Variants in FSHR observed in about 807,000 individuals in gnomAD.
FSHR encodes follicle stimulating hormone receptor.
In FSHR, 46 loss-of-function variants were observed where a neutral mutation model predicts 52.1. The observed-to-expected ratio is 0.88, with a 90% CI of 0.70 to 1.13. The LOEUF is 1.13. Among genes scored for constraint, FSHR ranks in the 50% most tolerant of loss-of-function variants. FSHR has a pLI of 0.00. For missense variants in FSHR, 964 were observed against 834.6 expected, an observed-to-expected ratio of 1.16 and a Z score of -1.91; for synonymous variants, 399 against 309.6, an observed-to-expected ratio of 1.29 and a Z score of -3.03.
chr2:49,082,889 G>A (rs539035863), intron 1 of FSHR, among the ~76,000 whole-genome samples: 200 of 151,906 alleles, frequency 1.3e-3, no homozygotes, highest in African/African-American at 4.5e-3. Context: ...TGAAAGTGAC[G>A]GGGAGAATGG....
chr2:49,143,576 G>C lies in FSHR; in HGVS notation c.152+10690C>G, dbSNP rs952548. 5.7e-3 allele frequency among the ~76,000 whole-genome samples: 865 copies of C among 152,168 alleles called. 13 individuals are homozygous for C. The highest frequency in any genetic ancestry group is 0.027 in the Middle Eastern group (8 of 294). ...TGGCATATTAAATAAACAACTATTT[G>C]TTTCCTCCTGAAACTCCACTGAGAA... On this transcript the variant is annotated intron_variant, in intron 1 of 9. Coordinates refer to ENST00000406846, the MANE Select transcript of FSHR (RefSeq NM_000145.4).
At chr2:49,103,193 G>T (rs375863550) in intron 1 of FSHR, among the ~76,000 whole-genome samples, 1 of 152,068 alleles carries the variant, frequency 6.6e-6, no homozygotes, top group East Asian at 1.9e-4. Flanking sequence ...AAACGTCCTA[G>T]GTTTGGACAT....
At position 49,008,597 on chromosome 2, in the gene FSHR, G is replaced by T. The variant is rs557715471; in HGVS notation, c.374+8892C>A. On this transcript the variant is annotated intron_variant, in intron 4 of 9. Coordinates refer to ENST00000406846, the MANE Select transcript of FSHR (RefSeq NM_000145.4). ...TCCAGTTCTAGATCCCTGAGGAATC[G>T]CCACACTGACTTCCACAATGGTTGA... Among the ~76,000 whole-genome samples, 81 of 148,058 alleles carry T rather than the reference G, an allele frequency of 5.5e-4. 2 individuals are homozygous for T. In the South Asian group the frequency reaches 0.017, roughly 32 times the overall value.
In FSHR at chr2:49,015,296, C is replaced by A. The variant is rs148192215; in HGVS notation, c.374+2193G>T. Reference sequence around the variant, plus strand: ...CCAACTTCCTCTTTTTGAACCCTTGCCAAGCATTTGTAGGTAAAAGCTGAA... The same window carrying A: ...CCAACTTCCTCTTTTTGAACCCTTGACAAGCATTTGTAGGTAAAAGCTGAA... On this transcript the variant is annotated intron_variant, in intron 4 of 9. Coordinates refer to ENST00000406846, the MANE Select transcript of FSHR (RefSeq NM_000145.4). Among the ~76,000 whole-genome samples the A allele has an allele frequency of 6.3e-3, 966 of 152,238 alleles. 12 individuals carry two copies. The highest frequency in any genetic ancestry group is 0.022 in the African/African-American group (919 of 41,550).
chr2:49,068,751 C>T (rs1669610736), intron 1 of FSHR, among the ~76,000 whole-genome samples: 1 of 152,096 alleles, frequency 6.6e-6, no homozygotes, highest in Admixed American at 6.6e-5. Context: ...GGCTCACTGC[C>T]TGATCAACCT....
chr2:49,091,750 G>A lies in FSHR; in HGVS notation c.153-23460C>T, dbSNP rs112352672. Among the ~76,000 whole-genome samples, 45 of 152,282 alleles carry A rather than the reference G, an allele frequency of 3.0e-4. 2 individuals carry two copies. Among genetic ancestry groups the A allele is most frequent in the African/African-American group, 1.0e-3 (43 of 41,568 alleles). ...AATGGATAGATCTATGAGTCTTTTT[G>A]CCAATGTTATGTTTTCTTGATTATT... On this transcript the variant is annotated intron_variant, in intron 1 of 9. Coordinates refer to ENST00000406846, the MANE Select transcript of FSHR (RefSeq NM_000145.4).
intron 1 of FSHR, among the ~76,000 whole-genome samples, chr2:49,099,735 C>G (rs1572743582): frequency 6.6e-6 from 1 of 152,058 alleles, no homozygotes; most frequent in Non-Finnish European, 1.5e-5. Flanking sequence ...GTCTGTAAAA[C>G]ATGGAATGCC....
chr2:49,008,976 T>A (rs1244263140), intron 4 of FSHR, among the ~76,000 whole-genome samples: 1 of 151,996 alleles, frequency 6.6e-6, no homozygotes, highest in Non-Finnish European at 1.5e-5. Flanking sequence ...ACTTTGTAGG[T>A]TGCCTGTTCC....
chr2:49,074,261 G>C (rs1251063173), intron 1 of FSHR, among the ~76,000 whole-genome samples: 3 of 151,972 alleles, frequency 2.0e-5, no homozygotes, highest in African/African-American at 7.2e-5. Flanking sequence ...CCTATAGAAT[G>C]GAAGAAAATA....
intron 4 of FSHR, among the ~76,000 whole-genome samples, chr2:49,004,998 G>A (rs866488912): frequency 2.0e-5 from 3 of 152,110 alleles, no homozygotes; most frequent in South Asian, 2.1e-4. Flanking sequence ...CCCCCGTCAT[G>A]GAGTCCATCA....
At chr2:49,005,138 G>A (rs1667033959) in intron 4 of FSHR, among the ~76,000 whole-genome samples, 1 of 152,148 alleles carries the variant, frequency 6.6e-6, no homozygotes, top group African/African-American at 2.4e-5. Context: ...TCTCTTTGCT[G>A]ATGGGAAGGA....
At chr2:48,968,960 G>A in intron 8 of FSHR, 77 bp from the exon 9 acceptor site, 2 of 1,255,950 alleles carry the variant, frequency 1.6e-6, no homozygotes, top group Non-Finnish European at 2.3e-6. Flanking sequence ...AGGCAAAATA[G>A]CAGACACACT....
intron 9 of FSHR, among the ~76,000 whole-genome samples, chr2:48,965,116 G>GACATAACCTTTGATACT (rs1674415481): frequency 6.6e-6 from 1 of 152,028 alleles, no homozygotes; most frequent in African/African-American, 2.4e-5. Context: ...TCAGATATAA[G>GACATAACCTTTGATACT]TGGCGAAGTA....
chr2:49,015,201 C>T (rs1391576550), intron 4 of FSHR, among the ~76,000 whole-genome samples: 1 of 152,082 alleles, frequency 6.6e-6, no homozygotes, highest in African/African-American at 2.4e-5. Context: ...GGATTCCAGT[C>T]CTTCTGAATT....
At chr2:49,121,973 C>G (rs1558453000) in intron 1 of FSHR, among the ~76,000 whole-genome samples, 1 of 152,156 alleles carries the variant, frequency 6.6e-6, no homozygotes, top group African/African-American at 2.4e-5. Context: ...AATAAAATCT[C>G]CTTTTGTATT....
chr2:49,038,118 G>C (rs1439149950), intron 2 of FSHR, among the ~76,000 whole-genome samples: 2 of 152,228 alleles, frequency 1.3e-5, no homozygotes, highest in Admixed American at 6.5e-5. Flanking sequence ...AGATTTATGA[G>C]TTCATTAATA....
At chr2:49,095,209 A>G (rs1670777093) in intron 1 of FSHR, among the ~76,000 whole-genome samples, 1 of 152,176 alleles carries the variant, frequency 6.6e-6, no homozygotes, top group Non-Finnish European at 1.5e-5. Context: ...GAGGACTCAT[A>G]CTTCATGATT....
chr2:49,006,748 T>C (rs1473670840), intron 4 of FSHR, among the ~76,000 whole-genome samples: 1 of 152,108 alleles, frequency 6.6e-6, no homozygotes, highest in Non-Finnish European at 1.5e-5. Context: ...TTTGATAGAC[T>C]TTTCTCCCCA....
intron 2 of FSHR, among the ~76,000 whole-genome samples, chr2:49,026,960 T>C (rs1458043468): frequency 6.6e-6 from 1 of 152,178 alleles, no homozygotes; most frequent in Admixed American, 6.5e-5. Flanking sequence ...TGTAACAACC[T>C]GAGGGATACA....
Sources: allele counts gnomAD v4.1 joint callset (sites outside exome capture counted in the v4.1 genomes callset), GRCh38; gene constraint gnomAD v4.1.1; transcripts MANE v1.5; gene names NCBI Gene and HGNC (gene_info 2026-07-23, HGNC 2026-07-21).